CAMTA1: variants seen among roughly 807,000 people sequenced by gnomAD.
CAMTA1 encodes calmodulin binding transcription activator 1.
A neutral mutation model predicts 170.9 loss-of-function variants in CAMTA1; 27 were observed. That is an observed-to-expected ratio of 0.16 (90% CI 0.12 to 0.22). The LOEUF is 0.22. Among genes scored for constraint, CAMTA1 ranks in the 10% least tolerant of loss-of-function variants. CAMTA1 has a pLI of 1.00. For missense variants in CAMTA1, 1,619 were observed against 2,217.2 expected (o/e 0.73, Z 5.42); for synonymous variants, 833 against 891.5 (o/e 0.93, Z 1.17).
chr1:7,216,636 G>A lies in CAMTA1; in HGVS notation c.303-32855G>A, dbSNP rs1258216439. 2.6e-5 allele frequency among the ~76,000 whole-genome samples: 4 copies of A among 151,982 alleles called. No individual in the cohort carries two copies. Among genetic ancestry groups the A allele is most frequent in the East Asian group, 1.9e-4 (1 of 5,178 alleles). ...AGCAATCCTTGTGCCTCAGCCTCCC[G>A]AATGGCTGAGACTACAGGCAGGTAC... On this transcript the variant is annotated intron_variant, in intron 4 of 22. Transcript: ENST00000303635. This position sits in a 1 kb window ranked among gnomAD's most constrained non-coding sequence, Gnocchi z 4.0.
At chr1:7,693,856 C>A (rs1383692512) in intron 11 of CAMTA1, 1 of 152,270 alleles carries the variant, frequency 6.6e-6, no homozygotes, top group African/African-American at 2.4e-5. Flanking sequence ...TCAGCTGATA[C>A]CACGTGACCC....
intron 5 of CAMTA1, among the ~76,000 whole-genome samples, chr1:7,319,892 G>A (rs1678113965): frequency 1.3e-5 from 2 of 151,576 alleles, no homozygotes; most frequent in African/African-American, 4.9e-5. Flanking sequence ...TAAAAATTTT[G>A]TTATTTATTC....
intron 5 of CAMTA1, among the ~76,000 whole-genome samples, chr1:7,422,182 G>T (rs2091606331): frequency 6.6e-6 from 1 of 152,170 alleles, no homozygotes. Context: ...CTGTGCTGTG[G>T]GTCGTACATG....
intron 4 of CAMTA1, among the ~76,000 whole-genome samples, chr1:7,122,480 T>C (rs1301688000): frequency 6.6e-6 from 1 of 152,154 alleles, no homozygotes; most frequent in African/African-American, 2.4e-5. Flanking sequence ...GAAAGTGCAG[T>C]GGACAGACGG....
chr1:7,424,846 A>T (rs1006745325), intron 5 of CAMTA1, among the ~76,000 whole-genome samples: 2 of 151,372 alleles, frequency 1.3e-5, no homozygotes, highest in Non-Finnish European at 2.9e-5. Context: ...AAACCGCTCC[A>T]CTCTGACATA....
intron 3 of CAMTA1, among the ~76,000 whole-genome samples, chr1:6,929,302 C>G (rs966352763): frequency 6.6e-6 from 1 of 151,984 alleles, no homozygotes; most frequent in Non-Finnish European, 1.5e-5. Flanking sequence ...GCCTCAGCTT[C>G]CCAAGTAGTT....
intron 6 of CAMTA1, among the ~76,000 whole-genome samples, chr1:7,551,921 G>T (rs2094808187): frequency 6.6e-6 from 1 of 152,172 alleles, no homozygotes; most frequent in Non-Finnish European, 1.5e-5. Context: ...AGTAGGACTG[G>T]GACTCCAGTG....
chr1:7,736,139 G>A lies in CAMTA1; in HGVS notation c.3067-205G>A, dbSNP rs1020275403. Among the ~76,000 whole-genome samples the A allele has an allele frequency of 4.6e-5, 7 of 151,812 alleles. No individual in the cohort carries two copies. The highest frequency in any genetic ancestry group is 8.8e-5 in the Non-Finnish European group (6 of 67,952). On this transcript the variant is annotated intron_variant, in intron 12 of 22. Transcript: ENST00000303635. This position sits in a 1 kb window ranked among gnomAD's most constrained non-coding sequence, Gnocchi z 4.5. ...TTGCCCAGGCTGGTCTCAAACTCCC[G>A]AGCAATCCTCCCACCTCGGCCTCCC... is the stretch of plus-strand genomic sequence containing the variant.
At chr1:7,621,482 C>T (rs988630483) in intron 6 of CAMTA1, among the ~76,000 whole-genome samples, 5 of 152,210 alleles carry the variant, frequency 3.3e-5, no homozygotes, top group Non-Finnish European at 7.3e-5. Context: ...CATCGTGCCT[C>T]GGTGCTGACC....
At chr1:7,487,907 C>G (rs1214277534) in intron 6 of CAMTA1, among the ~76,000 whole-genome samples, 1 of 152,180 alleles carries the variant, frequency 6.6e-6, no homozygotes, top group Non-Finnish European at 1.5e-5. Flanking sequence ...TGCCTCAGGA[C>G]CCCAGGCCCT....
chr1:7,645,455 T>C (rs2095796285), intron 7 of CAMTA1, among the ~76,000 whole-genome samples: 1 of 152,248 alleles, frequency 6.6e-6, no homozygotes, highest in Non-Finnish European at 1.5e-5. Context: ...GGTTGTTCCA[T>C]CCGGAGTGAG....
At chr1:7,616,636 TGAGGGGGAATG>T (rs2095560825) in intron 6 of CAMTA1, among the ~76,000 whole-genome samples, 1 of 152,042 alleles carries the variant, frequency 6.6e-6, no homozygotes, top group African/African-American at 2.4e-5. Flanking sequence ...CCTAGAATCC[TGAGGGGGAATG>T]GAGGGGGACC....
chr1:7,317,831 GT>G (rs1157953578), intron 5 of CAMTA1, among the ~76,000 whole-genome samples: 2 of 152,150 alleles, frequency 1.3e-5, no homozygotes, highest in Non-Finnish European at 2.9e-5. Flanking sequence ...ACTTGCATTG[GT>G]TAAAAAAAAT....
In CAMTA1 at chr1:7,664,603, G is replaced by C. The variant is rs1425223620; in HGVS notation, c.2056G>C (p.Ala686Pro). 6.2e-7 allele frequency: 1 copy of C among 1,611,782 alleles called. No individual in the cohort carries two copies. Among genetic ancestry groups the C allele is most frequent in the Non-Finnish European group, 8.5e-7 (1 of 1,179,008 alleles). ...CCAGGCCAACTTCCAGGCCATGACG[G>C]CAGAAGGGGAGGTCACCATGGAGAC... ...QFQANFQAMT[A>P]EGEVTMETSQ... The change falls in exon 9 of 23, where the codon GCA becomes CCA. Residue 686 changes from alanine to proline, a missense_variant. Around this residue, in one of 8 missense-constraint regions of CAMTA1, gnomAD observed 731 missense variants for 907.6 expected, o/e 0.81. Coordinates refer to ENST00000303635, the MANE Select transcript of CAMTA1 (RefSeq NM_015215.4).
At chr1:7,247,832 GC>G in intron 4 of CAMTA1, among the ~76,000 whole-genome samples, 1 of 152,286 alleles carries the variant, frequency 6.6e-6, no homozygotes, top group South Asian at 2.1e-4. Flanking sequence ...AAGCCTACCT[GC>G]CATTTAGAAA....
At chr1:6,857,354 G>A (rs143392619) in intron 3 of CAMTA1, among the ~76,000 whole-genome samples, 2 of 152,344 alleles carry the variant, frequency 1.3e-5, no homozygotes, top group African/African-American at 4.8e-5. Context: ...TACATGGCAT[G>A]TGATGCCATT....
At chr1:6,994,969 C>A (rs1227643206) in intron 3 of CAMTA1, among the ~76,000 whole-genome samples, 1 of 152,070 alleles carries the variant, frequency 6.6e-6, no homozygotes, top group African/African-American at 2.4e-5. Flanking sequence ...GCACCCGGCC[C>A]GAGCTTCTTG....
chr1:7,276,293 ATATATATATATTTTTT>A (rs1231163580), intron 5 of CAMTA1, among the ~76,000 whole-genome samples: 960 of 22,068 alleles, frequency 0.044, 117 homozygotes, highest in Admixed American at 0.33. Flanking sequence ...ATATATATAT[ATATATATATATTTTTT>A]TTTTTTTTTT....
At chr1:6,801,814 T>TAAA (rs34313253) in intron 1 of CAMTA1, among the ~76,000 whole-genome samples, 1 of 141,496 alleles carries the variant, frequency 7.1e-6, no homozygotes. Flanking sequence ...AATCACACAT[T>TAAA]AAAAAAAAAA....
Sources: allele counts gnomAD v4.1 joint callset (sites outside exome capture counted in the v4.1 genomes callset), GRCh38; gene constraint gnomAD v4.1.1; regional missense constraint gnomAD v4.1.1; non-coding constraint Gnocchi (gnomAD v3.1); transcripts MANE v1.5; gene names NCBI Gene and HGNC (gene_info 2026-07-23, HGNC 2026-07-21).